The following SLC11A2 variants were observed in gnomAD, a reference collection of about 807,000 sequenced individuals.
SLC11A2 encodes natural resistance-associated macrophage protein 2.
Under a neutral mutation model 68.0 loss-of-function variants are expected in SLC11A2, and 38 were observed. That is an observed-to-expected ratio of 0.56 (90% CI 0.43 to 0.73). The LOEUF is 0.73. SLC11A2 is among the 30% of genes least tolerant of loss of function. The probability of loss-of-function intolerance (pLI) is 0.00; values close to 1 mark genes in which losing one functional copy is unlikely to be tolerated. For missense variants in SLC11A2, 517 were observed against 690.5 expected (o/e 0.75, Z 2.82); for synonymous variants, 242 against 250.6 (o/e 0.97, Z 0.32).
At chr12:50,959,321 T>C in the SLC11A2 span, among the ~76,000 whole-genome samples, 4 of 151,988 alleles carry the variant, frequency 2.6e-5, no homozygotes, top group Non-Finnish European at 5.9e-5. Context: ...GGTTTCTCCA[T>C]GTTGGTCAGG....
intron 10 of SLC11A2, among the ~76,000 whole-genome samples, chr12:50,995,409 T>C (rs1015340916): frequency 1.3e-5 from 2 of 152,200 alleles, no homozygotes; most frequent in Non-Finnish European, 2.9e-5. Flanking sequence ...TTCTGTTTGT[T>C]GACTACTCCC....
At chr12:50,964,820 C>T in the SLC11A2 span, among the ~76,000 whole-genome samples, 1 of 152,232 alleles carries the variant, frequency 6.6e-6, no homozygotes, top group Non-Finnish European at 1.5e-5. Flanking sequence ...TATCATTCTC[C>T]AAGATCCATC....
Position 50,986,435 on chromosome 12 carries a change from T to C in SLC11A2, c.*1890A>G, listed in dbSNP as rs1287353469. ...TTAATTGGAAGGAGTTTTCTATCAT[T>C]GCAAGTCATAAATATAACTTTTAAA... On this transcript the variant is annotated 3_prime_UTR_variant, in exon 16 of 16. Transcript: ENST00000262052. 1.6e-5 allele frequency: 20 copies of C among 1,284,394 alleles called. No homozygotes were observed. The highest frequency in any genetic ancestry group is 4.6e-5 in the Admixed American group (2 of 43,432). 79.6% of individuals were successfully genotyped at this position (1,284,394 alleles called of 1,614,324 possible). A position where few individuals can be genotyped will look rare whatever the true frequency, so the allele number is the denominator to read the frequency against.
chr12:51,016,847 CAAAAAAAAAAAAA>C (rs34208777), intron 1 of SLC11A2, among the ~76,000 whole-genome samples: 1 of 60,766 alleles, frequency 1.6e-5, no homozygotes, highest in African/African-American at 6.1e-5. Flanking sequence ...AACTCTGTCT[CAAAAAAAAAAAAA>C]AAAAAAAAAA....
chr12:51,000,212 G>A, intron 6 of SLC11A2, 101 bp downstream of exon 6: 1 of 827,686 alleles, frequency 1.2e-6, no homozygotes, highest in South Asian at 1.4e-5. Context: ...AATAACAATT[G>A]AGTTGAGTCT....
chr12:50,969,526 GCT>G, the SLC11A2 span, among the ~76,000 whole-genome samples: 8 of 151,642 alleles, frequency 5.3e-5, no homozygotes, highest in African/African-American at 1.7e-4. Context: ...ATGGCGAAAC[GCT>G]GTCTGTACTA....
chr12:50,994,911 C>T, intron 10 of SLC11A2: 1 of 421,048 alleles, frequency 2.4e-6, no homozygotes, highest in Non-Finnish European at 4.4e-6. Context: ...AGAGGAGAGG[C>T]TCTGAAGAAG....
intron 5 of SLC11A2, among the ~76,000 whole-genome samples, chr12:51,001,664 G>A (rs182956572): frequency 1.5e-4 from 22 of 150,190 alleles, no homozygotes; most frequent in Admixed American, 1.4e-3. Context: ...AAAAATTATA[G>A]GAAAAAAAAA....
intron 1 of SLC11A2, among the ~76,000 whole-genome samples, chr12:51,013,946 C>A (rs1046509759): frequency 6.6e-6 from 1 of 151,928 alleles, no homozygotes; most frequent in Non-Finnish European, 1.5e-5. Context: ...CTCAGCCTCC[C>A]GAGTAGCTGG....
chr12:51,028,311 C>T, upstream of SLC11A2: 1 of 1,032,882 alleles, frequency 9.7e-7, no homozygotes, highest in Non-Finnish European at 1.4e-6. Flanking sequence ...AGATAAAGGG[C>T]ACTTTTGGGT....
chr12:50,980,132 G>T, downstream of SLC11A2: 1 of 360,252 alleles, frequency 2.8e-6, no homozygotes, highest in South Asian at 2.1e-5. Context: ...ATGCTGAAGT[G>T]GGAGGATGGC....
At chr12:50,994,952 A>T in intron 10 of SLC11A2, 1 of 354,150 alleles carries the variant, frequency 2.8e-6, no homozygotes, top group Non-Finnish European at 5.3e-6. Flanking sequence ...CCCAGAATAG[A>T]ATCCTCAGTC....
At chr12:51,026,389 A>G (rs1383281675), upstream of SLC11A2, 9 of 1,271,276 alleles carry the variant, frequency 7.1e-6, no homozygotes, top group Non-Finnish European at 9.2e-6. Context: ...CACGCTGGCT[A>G]ACGCCCTCCC....
Position 50,992,929 on chromosome 12 carries a change from C to G in SLC11A2, c.1078G>C (p.Gly360Arg). The stretch of plus-strand genomic sequence containing the variant: ...CCAAAGTAACATCCCAGCACAACAC[C>G]CTGTGAGAGGCCAAGAGGAAGGATA... ...STLAVDIYKG[G>R]VVLGCYFGPA... The change falls in exon 12 of 16, where the codon GGT (glycine) becomes CGT (arginine). Residue 360 changes from glycine to arginine, a missense_variant and splice_region_variant. By Grantham distance (125) the Gly-to-Arg change is moderately radical. Coordinates refer to ENST00000262052, the MANE Select transcript of SLC11A2 (RefSeq NM_000617.3). 1 of 1,613,688 alleles carries G rather than the reference C, an allele frequency of 6.2e-7. No individual in the cohort carries two copies. The highest frequency in any genetic ancestry group is 1.1e-5 in the South Asian group (1 of 91,060).
intron 1 of SLC11A2, among the ~76,000 whole-genome samples, chr12:51,011,388 A>C (rs546600277): frequency 6.6e-6 from 1 of 152,052 alleles, no homozygotes; most frequent in African/African-American, 2.4e-5. Context: ...TCAGCCTCCC[A>C]TAGTGCTGGG....
chr12:51,009,205 T>G (rs1943002930), intron 2 of SLC11A2: 5 of 1,445,248 alleles, frequency 3.5e-6, no homozygotes, highest in Non-Finnish European at 3.6e-6. Flanking sequence ...CAGGCTAAAC[T>G]CTGAAGCTGC....
rs1226329247 is a variant in SLC11A2, at chr12:50,986,328, C to G, written c.*1997G>C. 1 of 1,285,240 alleles carries G rather than the reference C, an allele frequency of 7.8e-7. No individual in the cohort carries two copies. The highest frequency in any genetic ancestry group is 1.2e-5 in the South Asian group (1 of 80,910). 79.6% of individuals were successfully genotyped at this position (1,285,240 alleles called of 1,614,324 possible). On this transcript the variant is annotated 3_prime_UTR_variant, in exon 16 of 16. Coordinates refer to ENST00000262052, the MANE Select transcript of SLC11A2 (RefSeq NM_000617.3). Reference sequence around the variant, plus strand: ...CACCCAGAGTACTGGTTAAAATGCACTTTCTGTGAAGATCAAATGCAATAA... The same window carrying G: ...CACCCAGAGTACTGGTTAAAATGCAGTTTCTGTGAAGATCAAATGCAATAA...
chr12:51,008,447 G>C (rs535690507), intron 3 of SLC11A2, 29 bp downstream of exon 3: 2 of 1,598,900 alleles, frequency 1.3e-6, no homozygotes, highest in Admixed American at 1.7e-5. Context: ...CCAGACAATA[G>C]TGTTCTCCTC....
chr12:50,994,882 G>A (rs1374192730), intron 10 of SLC11A2: 3 of 475,614 alleles, frequency 6.3e-6, no homozygotes, highest in Non-Finnish European at 1.2e-5. Flanking sequence ...CAAACGCTGG[G>A]GTACTTTAAA....
Sources: gnomAD v4.1 joint callset for allele counts (sites outside exome capture counted in the v4.1 genomes callset) on GRCh38, gnomAD v4.1.1 for gene constraint, MANE v1.5 for transcripts, NCBI Gene and HGNC (gene_info 2026-07-23, HGNC 2026-07-21) for gene names.